Variants in DPP8 observed in about 807,000 individuals in gnomAD.
DPP8 encodes the protein DPP VIII.
In DPP8, 31 loss-of-function variants were observed where a neutral mutation model predicts 107.5. That is an observed-to-expected ratio of 0.29 (90% CI 0.22 to 0.39). The LOEUF (loss-of-function observed/expected upper bound fraction) is 0.39. DPP8 is among the 10% of genes least tolerant of loss of function. The pLI is 1.00. For synonymous variants in DPP8, 381 were observed against 356.6 expected, an observed-to-expected ratio of 1.07 and a Z score of -0.77; for missense variants, 842 against 1,076.1, an observed-to-expected ratio of 0.78 and a Z score of 3.04.
chr15:65,456,292 A>G lies in DPP8; in HGVS notation c.2051T>C (p.Val684Ala). 1.2e-6 allele frequency: 2 copies of G among 1,614,172 alleles called. No individual in the cohort carries two copies. The highest frequency in any genetic ancestry group is 1.7e-6 in the Non-Finnish European group (2 of 1,180,010). Residue 684 changes from valine (V) to alanine (A), a missense_variant, in exon 16 of 20, where the codon GTA becomes GCA. Physicochemically the swap from Val to Ala is moderately conservative, Grantham distance 64. Coordinates refer to ENST00000300141, the MANE Select transcript of DPP8 (RefSeq NM_130434.5). ...ACAGGATCCCCTGTTGTCTATCACTACAACCACATAACCTAGAGAGGCTAG... is the reference window on the plus strand; with the variant it reads ...ACAGGATCCCCTGTTGTCTATCACTGCAACCACATAACCTAGAGAGGCTAG... ...NTLASLGYVVVVIDNRGSCHR... is the reference protein window; with the variant it reads ...NTLASLGYVVAVIDNRGSCHR...
At chr15:65,485,685 T>C (rs1388519128) in intron 7 of DPP8, among the ~76,000 whole-genome samples, 2 of 151,244 alleles carry the variant, frequency 1.3e-5, no homozygotes, top group Non-Finnish European at 3.0e-5. Context: ...ATGCCAGGCA[T>C]GCTGTCTCAC....
At chr15:65,497,127 T>C (rs905243086) in intron 5 of DPP8, among the ~76,000 whole-genome samples, 1 of 152,156 alleles carries the variant, frequency 6.6e-6, no homozygotes, top group Non-Finnish European at 1.5e-5. Context: ...TGACCTCAGG[T>C]GATCCACCTG....
chr15:65,501,382 C>T (rs1046970760), intron 3 of DPP8, among the ~76,000 whole-genome samples: 3 of 152,186 alleles, frequency 2.0e-5, no homozygotes, highest in Non-Finnish European at 4.4e-5. Flanking sequence ...CTTTCTACAA[C>T]TTAACTATAA....
intron 6 of DPP8, 97 bp from the exon 7 acceptor site, chr15:65,487,915 G>T: frequency 1.2e-6 from 1 of 823,160 alleles, no homozygotes; most frequent in Non-Finnish European, 1.9e-6. Context: ...TTATAGTGAA[G>T]AATAACTTAT....
At chr15:65,499,292 G>A (rs1035432931) in intron 4 of DPP8, among the ~76,000 whole-genome samples, 2 of 151,360 alleles carry the variant, frequency 1.3e-5, no homozygotes, top group Non-Finnish European at 1.5e-5. Context: ...ACAGTAGAGC[G>A]ATCTCAGCTC....
chr15:65,463,474 G>A (rs1255838206), intron 15 of DPP8, among the ~76,000 whole-genome samples: 4 of 151,932 alleles, frequency 2.6e-5, no homozygotes, highest in African/African-American at 7.3e-5. Flanking sequence ...CCTGGGAGGC[G>A]GAGGTTGCAG....
Position 65,475,193 on chromosome 15 carries a change from A to G in DPP8, c.1457-905T>C, listed in dbSNP as rs2066269856. The G allele has an allele frequency of 2.2e-5, 10 of 450,606 alleles. 1 individual carries two copies. In the South Asian group the frequency reaches 2.5e-4, roughly 11 times the overall value. 27.9% of individuals were successfully genotyped at this position (450,606 alleles called of 1,614,324 possible). On this transcript the variant is annotated intron_variant, in intron 11 of 19. Coordinates refer to ENST00000300141, the MANE Select transcript of DPP8 (RefSeq NM_130434.5). Reference sequence around the variant, plus strand: ...GGAGGAAGTCCAGGGCAATGCAGTGATATTTCTGCCAGGATACTCCCCCTC... The same window carrying G: ...GGAGGAAGTCCAGGGCAATGCAGTGGTATTTCTGCCAGGATACTCCCCCTC...
At chr15:65,476,734 T>C (rs1445430729) in intron 11 of DPP8, among the ~76,000 whole-genome samples, 1 of 152,240 alleles carries the variant, frequency 6.6e-6, no homozygotes, top group East Asian at 1.9e-4. Context: ...GAACAGATAC[T>C]TGTACACCCA....
intron 8 of DPP8, among the ~76,000 whole-genome samples, chr15:65,484,447 T>C (rs945122887): frequency 2.6e-5 from 4 of 151,912 alleles, no homozygotes; most frequent in Non-Finnish European, 5.9e-5. Context: ...GTGGTGATGG[T>C]TGCAAAACTC....
intron 14 of DPP8, among the ~76,000 whole-genome samples, chr15:65,466,179 C>T (rs1156904423): frequency 6.6e-6 from 1 of 152,160 alleles, no homozygotes; most frequent in Non-Finnish European, 1.5e-5. Flanking sequence ...TGCTTTGTCA[C>T]CCAGGCTGCA....
At chr15:65,456,932 T>C (rs1008960867) in intron 15 of DPP8, among the ~76,000 whole-genome samples, 1 of 152,180 alleles carries the variant, frequency 6.6e-6, no homozygotes, top group Non-Finnish European at 1.5e-5. Context: ...CATTTACCGT[T>C]TTCTGTGTCT....
At chr15:65,501,120 G>A (rs1220142001) in intron 3 of DPP8, among the ~76,000 whole-genome samples, 5 of 151,878 alleles carry the variant, frequency 3.3e-5, no homozygotes, top group African/African-American at 9.7e-5. Flanking sequence ...CTCGTGATCC[G>A]CCTGCCTCGG....
intron 1 of DPP8, among the ~76,000 whole-genome samples, chr15:65,513,218 AT>A (rs34004289): frequency 8.0e-4 from 118 of 147,620 alleles, no homozygotes; most frequent in African/African-American, 1.9e-3. Flanking sequence ...GTGACTCTAC[AT>A]TTTTTTTTTT....
intron 17 of DPP8, among the ~76,000 whole-genome samples, chr15:65,453,584 C>G (rs1422958162): frequency 6.7e-6 from 1 of 148,872 alleles, no homozygotes; most frequent in East Asian, 2.0e-4. Context: ...GCCTAGCCAA[C>G]ATGGTGAAAC....
At chr15:65,511,708 CACAT>C (rs1250348198) in intron 2 of DPP8, among the ~76,000 whole-genome samples, 2 of 142,288 alleles carry the variant, frequency 1.4e-5, no homozygotes, top group African/African-American at 5.2e-5. Context: ...TCTCCATACA[CACAT>C]ACATACACAC....
At chr15:65,451,936 A>G (rs1227733155) in intron 18 of DPP8, 24 bp downstream of exon 18, 1 of 1,561,616 alleles carries the variant, frequency 6.4e-7, no homozygotes, top group Admixed American at 2.1e-5. Context: ...ATTTAAAAAA[A>G]AAAAAAAAAA....
At chr15:65,510,975 G>C (rs1057402124) in intron 2 of DPP8, among the ~76,000 whole-genome samples, 3 of 152,330 alleles carry the variant, frequency 2.0e-5, no homozygotes, top group African/African-American at 7.2e-5. Flanking sequence ...ACTGGTGTAT[G>C]CATGGAGAAA....
chr15:65,498,355 G>A (rs2068815903), intron 4 of DPP8, among the ~76,000 whole-genome samples: 1 of 151,952 alleles, frequency 6.6e-6, no homozygotes, highest in Non-Finnish European at 1.5e-5. Context: ...CTGGGAGGTG[G>A]ATGTTGCAGT....
intron 3 of DPP8, among the ~76,000 whole-genome samples, chr15:65,502,990 T>C (rs1054801546): frequency 6.6e-6 from 1 of 152,102 alleles, no homozygotes; most frequent in Non-Finnish European, 1.5e-5. Context: ...ACAGAGTAAA[T>C]GCGTATCAAA....
Sources: gnomAD v4.1 joint callset for allele counts (sites outside exome capture counted in the v4.1 genomes callset) on GRCh38, gnomAD v4.1.1 for gene constraint, MANE v1.5 for transcripts, NCBI Gene and HGNC (gene_info 2026-07-23, HGNC 2026-07-21) for gene names.